AGBL1: variants seen among roughly 807,000 people sequenced by gnomAD.
AGBL1 encodes AGBL carboxypeptidase 1, also known as cytosolic carboxypeptidase 4.
In AGBL1, 130 loss-of-function variants were observed where a neutral mutation model predicts 118.9. The ratio of observed to expected loss-of-function variants is 1.09; its 90% CI spans 0.95 to 1.26. The LOEUF (loss-of-function observed/expected upper bound fraction) is 1.26. Among genes scored for constraint, AGBL1 ranks in the 50% most tolerant of loss-of-function variants. AGBL1 has a pLI of 0.00. For missense variants in AGBL1, 1,584 were observed against 1,298.1 expected (o/e 1.22, Z -3.38); for synonymous variants, 555 against 478.9 (o/e 1.16, Z -2.08).
At chr15:86,757,340 CA>C (rs1261297409) in intron 22 of AGBL1, among the ~76,000 whole-genome samples, 3 of 152,096 alleles carry the variant, frequency 2.0e-5, no homozygotes, top group Admixed American at 6.6e-5. Context: ...GAGTGGGTAG[CA>C]CTGTATTCTA....
At chr15:86,951,178 C>T (rs1596667680) in intron 23 of AGBL1, among the ~76,000 whole-genome samples, 1 of 152,122 alleles carries the variant, frequency 6.6e-6, no homozygotes, top group Admixed American at 6.5e-5. Flanking sequence ...CCTCACCTGC[C>T]TCATTGTACT....
At chr15:86,581,021 C>G (rs1209453568) in intron 21 of AGBL1, among the ~76,000 whole-genome samples, 2 of 152,294 alleles carry the variant, frequency 1.3e-5, no homozygotes, top group East Asian at 3.9e-4. Flanking sequence ...CATATGGAAA[C>G]TTTCCTTCAC....
chr15:86,162,758 G>A (rs1312848722), intron 5 of AGBL1, among the ~76,000 whole-genome samples: 3 of 152,166 alleles, frequency 2.0e-5, no homozygotes, highest in East Asian at 3.9e-4. Flanking sequence ...TTTCCAGAGT[G>A]GTTTCTCATT....
At chr15:86,135,513 T>C (rs924390027) in intron 1 of AGBL1, among the ~76,000 whole-genome samples, 1 of 152,206 alleles carries the variant, frequency 6.6e-6, no homozygotes, top group African/African-American at 2.4e-5. Context: ...TCTGTAACAA[T>C]GTTCTCACTG....
intron 18 of AGBL1, among the ~76,000 whole-genome samples, chr15:86,474,455 C>A (rs2082524764): frequency 6.6e-6 from 1 of 152,228 alleles, no homozygotes; most frequent in African/African-American, 2.4e-5. Context: ...GAGGGTCCCA[C>A]ACCCACGGAG....
rs183148016 is a variant in AGBL1, at chr15:86,636,475, T to G, written c.2995-37798T>G. Reference sequence around the variant, plus strand: ...AGAAGAGGGGACATGAGAAAAGTATTATTTAATTCATCAAGATAGTTTTTT... The same window carrying G: ...AGAAGAGGGGACATGAGAAAAGTATGATTTAATTCATCAAGATAGTTTTTT... On this transcript the variant is annotated intron_variant, in intron 21 of 22. Coordinates refer to ENST00000614907, the MANE Select transcript of AGBL1 (RefSeq NM_001386094.1). 2.5e-4 allele frequency among the ~76,000 whole-genome samples: 30 copies of G among 120,824 alleles called. No individual in the cohort carries two copies. In the East Asian group the frequency reaches 6.7e-3, roughly 27 times the overall value. The allele number at this position is 120,824 out of a possible 152,430, so 79.3% of individuals were successfully genotyped here. A position where few individuals can be genotyped will look rare whatever the true frequency, so the allele number is the denominator to read the frequency against.
intron 19 of AGBL1, among the ~76,000 whole-genome samples, chr15:86,542,376 T>C (rs1009552318): frequency 1.0e-5 from 1 of 95,934 alleles, no homozygotes; most frequent in African/African-American, 3.4e-5. Flanking sequence ...TTTTTTTTTT[T>C]TTTTTTTGAG....
intron 22 of AGBL1, among the ~76,000 whole-genome samples, chr15:86,759,950 T>C (rs2078000575): frequency 1.3e-5 from 2 of 151,996 alleles, no homozygotes; most frequent in African/African-American, 4.8e-5. Flanking sequence ...AAATGAGGTG[T>C]GTGGTTATTT....
intron 7 of AGBL1, among the ~76,000 whole-genome samples, chr15:86,253,625 C>T (rs1271200591): frequency 6.6e-6 from 1 of 152,150 alleles, no homozygotes; most frequent in African/African-American, 2.4e-5. Context: ...TCACATAGAA[C>T]TTCCTAGGGC....
At chr15:86,800,969 T>G (rs1202184300) in intron 22 of AGBL1, among the ~76,000 whole-genome samples, 1 of 152,120 alleles carries the variant, frequency 6.6e-6, no homozygotes, top group Non-Finnish European at 1.5e-5. Flanking sequence ...TAAAGATTAG[T>G]GTTAGGAAAC....
intron 17 of AGBL1, among the ~76,000 whole-genome samples, chr15:86,301,271 C>A (rs2079740155): frequency 6.6e-6 from 1 of 151,894 alleles, no homozygotes; most frequent in Non-Finnish European, 1.5e-5. Flanking sequence ...ACTATTGAGT[C>A]CTGATTTCTC....
chr15:86,493,271 T>G (rs914467227), intron 18 of AGBL1, among the ~76,000 whole-genome samples: 1 of 151,822 alleles, frequency 6.6e-6, no homozygotes, highest in African/African-American at 2.4e-5. Context: ...GGTGATCACG[T>G]GTTTTAGAAA....
At chr15:86,975,401 G>C (rs1049431068) in intron 23 of AGBL1, among the ~76,000 whole-genome samples, 30 of 152,060 alleles carry the variant, frequency 2.0e-4, no homozygotes, top group Admixed American at 1.9e-3. Context: ...AAGAGCACGA[G>C]AAAGAGAAAG....
At position 86,385,880 on chromosome 15, in the gene AGBL1, T is replaced by C. The variant is rs2081176224; in HGVS notation, c.2375-11486T>C. 2.0e-5 allele frequency among the ~76,000 whole-genome samples: 3 copies of C among 151,894 alleles called. No individual in the cohort carries two copies. The South Asian group carries it at 6.2e-4, about 32-fold the overall frequency. On this transcript the variant is annotated intron_variant, in intron 17 of 22. Transcript: ENST00000614907. ...ATGTTAGGATCCTAACTGGTTTTCC[T>C]ATCTGACTTTTAAAAATTACCTTGT...
At chr15:86,873,226 G>A (rs2079754846) in intron 22 of AGBL1, among the ~76,000 whole-genome samples, 1 of 152,130 alleles carries the variant, frequency 6.6e-6, no homozygotes, top group African/African-American at 2.4e-5. Flanking sequence ...GCTTGGGGAA[G>A]GCAGTGTGGG....
At chr15:86,443,861 C>T (rs1482715734) in intron 18 of AGBL1, among the ~76,000 whole-genome samples, 1 of 80,152 alleles carries the variant, frequency 1.2e-5, no homozygotes, top group Non-Finnish European at 2.1e-5. Flanking sequence ...TTGATAGACA[C>T]TTGGGTTGAC....
At chr15:86,490,379 C>A (rs535957141) in intron 18 of AGBL1, among the ~76,000 whole-genome samples, 1 of 152,140 alleles carries the variant, frequency 6.6e-6, no homozygotes, top group East Asian at 1.9e-4. Context: ...CTGATGAATC[C>A]ATTTGTAAAC....
chr15:86,141,994 C>A lies in AGBL1; in HGVS notation c.52-10C>A, dbSNP rs1200293151. On this transcript the variant is annotated splice_polypyrimidine_tract_variant and intron_variant, in intron 1 of 22. Transcript: ENST00000614907. ...ATTCTTAAATATGGCTGCCTGTGTT[C>A]TCATTGCAGAGCTCCTCTGACAAGG... 1 of 1,549,390 alleles carries A rather than the reference C, an allele frequency of 6.5e-7. No individual in the cohort carries two copies. The highest frequency in any genetic ancestry group is 2.4e-5 in the East Asian group (1 of 40,900).
rs905187275 is a variant in AGBL1 at position 86,845,945 on chromosome 15, C to T, written c.3159-61142C>T. On this transcript the variant is annotated intron_variant, in intron 22 of 22. Transcript: ENST00000614907. Reference sequence around the variant, plus strand: ...ACACAGACCCAGTGAAGCATAAAAGCCAACTTACCTTCTTCCCTCTTGAAA... The same window carrying T: ...ACACAGACCCAGTGAAGCATAAAAGTCAACTTACCTTCTTCCCTCTTGAAA... Among the ~76,000 whole-genome samples the T allele has an allele frequency of 1.9e-4, 29 of 152,244 alleles. No individual in the cohort carries two copies. In the South Asian group the frequency reaches 4.4e-3, roughly 23 times the overall value.
Sources: gnomAD v4.1 joint callset for allele counts (sites outside exome capture counted in the v4.1 genomes callset) on GRCh38, gnomAD v4.1.1 for gene constraint, MANE v1.5 for transcripts, NCBI Gene and HGNC (gene_info 2026-07-23, HGNC 2026-07-21) for gene names.